STIM1: variants seen among roughly 807,000 people sequenced by gnomAD.
STIM1 encodes the protein stromal interaction molecule 1.
STIM1 carries 25 observed loss-of-function variants against 74.7 expected under a neutral mutation model. The observed-to-expected ratio is 0.33, with a 90% confidence interval of 0.24 to 0.47. STIM1 has a LOEUF of 0.47. STIM1 is among the 20% of genes least tolerant of loss of function. The probability of loss-of-function intolerance (pLI) is 1.00; values close to 1 mark genes in which losing one functional copy is unlikely to be tolerated. For synonymous variants in STIM1, 328 were observed against 348.8 expected, an observed-to-expected ratio of 0.94 and a Z score of 0.66; for missense variants, 728 against 920.8, an observed-to-expected ratio of 0.79 and a Z score of 2.71.
chr11:4,013,690 CTTTTTTTTTTTTTTT>C (rs1169600270), intron 2 of STIM1, among the ~76,000 whole-genome samples: 4 of 51,924 alleles, frequency 7.7e-5, no homozygotes, highest in Non-Finnish European at 9.6e-5. Flanking sequence ...TCATTGATTT[CTTTTTTTTTTTTTTT>C]TTTTTTTTTT....
chr11:4,013,639 C>T (rs1172636131), intron 2 of STIM1, among the ~76,000 whole-genome samples: 1 of 142,876 alleles, frequency 7.0e-6, no homozygotes, highest in Non-Finnish European at 1.5e-5. Context: ...TATGATTCTT[C>T]TCTCTTCTTT....
chr11:4,065,476 T>TG (rs1370086003), intron 5 of STIM1, among the ~76,000 whole-genome samples: 1 of 152,182 alleles, frequency 6.6e-6, no homozygotes, highest in African/African-American at 2.4e-5. Context: ...TGTACTTTTT[T>TG]TTTTTTTTTG....
intron 2 of STIM1, among the ~76,000 whole-genome samples, chr11:4,006,660 C>T (rs1225903194): frequency 6.6e-6 from 1 of 152,156 alleles, no homozygotes; most frequent in Admixed American, 6.5e-5. Flanking sequence ...GTGATCTGCC[C>T]ACCTCTGGTT....
At chr11:4,074,242 C>T (rs998422592) in intron 6 of STIM1, among the ~76,000 whole-genome samples, 6 of 152,284 alleles carry the variant, frequency 3.9e-5, no homozygotes, top group African/African-American at 9.6e-5. Context: ...GAGATAGTTT[C>T]GAGGAGGGAT....
intron 1 of STIM1, among the ~76,000 whole-genome samples, chr11:3,945,077 A>C (rs1247010552): frequency 6.6e-6 from 1 of 152,198 alleles, no homozygotes; most frequent in Non-Finnish European, 1.5e-5. Flanking sequence ...CTTTGGAGTC[A>C]AGCTGCCTGG....
intron 3 of STIM1, among the ~76,000 whole-genome samples, chr11:4,055,037 T>A (rs1022385000): frequency 6.6e-6 from 1 of 152,210 alleles, no homozygotes; most frequent in Non-Finnish European, 1.5e-5. Flanking sequence ...CCCTTATGAA[T>A]GCTCAGTTGA....
At chr11:4,081,548 T>C (rs934511599) in intron 7 of STIM1, among the ~76,000 whole-genome samples, 4 of 152,248 alleles carry the variant, frequency 2.6e-5, no homozygotes, top group African/African-American at 9.6e-5. Flanking sequence ...TTCAGGACAA[T>C]GCCCTTCTGA....
chr11:3,985,973 C>A (rs941307772), intron 2 of STIM1, among the ~76,000 whole-genome samples: 2 of 152,180 alleles, frequency 1.3e-5, no homozygotes, highest in African/African-American at 2.4e-5. Context: ...TTCTTCTCCT[C>A]ACTTATAAAT....
intron 3 of STIM1, among the ~76,000 whole-genome samples, chr11:4,055,150 A>G (rs1297953097): frequency 6.6e-6 from 1 of 152,254 alleles, no homozygotes; most frequent in South Asian, 2.1e-4. Context: ...TTTACATAAA[A>G]GAAGATACAC....
At chr11:4,085,404 G>A (rs1178881917) in intron 11 of STIM1, among the ~76,000 whole-genome samples, 1 of 152,180 alleles carries the variant, frequency 6.6e-6, no homozygotes, top group Non-Finnish European at 1.5e-5. Context: ...AGCCCAAAGG[G>A]GGATGCACTA....
chr11:4,049,080 C>T (rs2094216816), intron 3 of STIM1, among the ~76,000 whole-genome samples: 1 of 152,192 alleles, frequency 6.6e-6, no homozygotes. Context: ...TCATTAAAAA[C>T]ATCACATTAT....
intron 3 of STIM1, among the ~76,000 whole-genome samples, 161 bp from the exon 4 acceptor site, chr11:4,055,365 T>C (rs1244012807): frequency 1.3e-5 from 2 of 152,236 alleles, no homozygotes; most frequent in Admixed American, 6.5e-5. Flanking sequence ...TAGGATTTCA[T>C]ATAAATAGAC....
At chr11:3,916,982 G>A (rs1348489698) in intron 1 of STIM1, among the ~76,000 whole-genome samples, 2 of 152,308 alleles carry the variant, frequency 1.3e-5, no homozygotes, top group South Asian at 4.1e-4. Flanking sequence ...TTCAATAGGG[G>A]CATTTTAGAA....
At chr11:3,855,636 G>C (rs1363424547), upstream of STIM1, 2 of 136,164 alleles carry the variant, frequency 1.5e-5, no homozygotes, top group African/African-American at 2.6e-5. Context: ...CCCGCCCCGG[G>C]CCCGCCCCGC....
chr11:3,889,215 A>G (rs917671538), intron 1 of STIM1, among the ~76,000 whole-genome samples: 1 of 150,622 alleles, frequency 6.6e-6, no homozygotes, highest in Non-Finnish European at 1.5e-5. Context: ...CTGAGGCCCA[A>G]CAAATAAATA....
rs151061361 is a variant in STIM1, at chr11:4,070,087, C to T, written c.675C>T (p.Gly225=). ...TGGTGTCTATCGTTATTGGTGTGGG[C>T]GGCTGCTGGTTTGCCTATATCCAGA... ...MLVVSIVIGV[G]GCWFAYIQNR... Residue 225 remains glycine, a synonymous_variant, in exon 6 of 13, where the codon GGC becomes GGT. Transcript: ENST00000526596. The T allele has an allele frequency of 8.1e-6, 13 of 1,613,956 alleles. 1 individual carries two copies. Among genetic ancestry groups the T allele is most frequent in the Admixed American group, 5.0e-5 (3 of 59,994 alleles).
intron 1 of STIM1, among the ~76,000 whole-genome samples, chr11:3,959,408 TG>T: frequency 6.6e-6 from 1 of 152,070 alleles, no homozygotes. Flanking sequence ...TTGGGAGATA[TG>T]GTTTTTTAAT....
chr11:4,088,849 T>G (rs2094507832), intron 12 of STIM1: 1 of 1,091,634 alleles, frequency 9.2e-7, no homozygotes, highest in Non-Finnish European at 1.3e-6. Context: ...TCACTGGGCC[T>G]TTTCCCTCCT....
intron 6 of STIM1, among the ~76,000 whole-genome samples, chr11:4,071,592 A>G (rs2094404050): frequency 6.6e-6 from 1 of 152,196 alleles, no homozygotes; most frequent in South Asian, 2.1e-4. Flanking sequence ...GGTCTACCTC[A>G]GCCTCCCAAA....
Sources: gnomAD v4.1 joint callset for allele counts (sites outside exome capture counted in the v4.1 genomes callset) on GRCh38, gnomAD v4.1.1 for gene constraint, MANE v1.5 for transcripts, NCBI Gene and HGNC (gene_info 2026-07-23, HGNC 2026-07-21) for gene names.